Variants in PLCB4 observed in about 807,000 individuals in gnomAD.
PLCB4 encodes phospholipase C beta 4, also known as 1-phosphatidylinositol 4,5-bisphosphate phosphodiesterase beta-4.
A neutral mutation model predicts 178.8 loss-of-function variants in PLCB4; 77 were observed. The ratio of observed to expected loss-of-function variants is 0.43; its 90% CI spans 0.36 to 0.52. The LOEUF (loss-of-function observed/expected upper bound fraction) is 0.52, where lower values mean the gene tolerates loss of function less well. PLCB4 is among the 20% of genes least tolerant of loss of function. The pLI, the probability that PLCB4 is intolerant of heterozygous loss-of-function variation, is 0.00. For missense variants in PLCB4, 1,024 were observed against 1,453.4 expected (o/e 0.70, Z 4.80); for synonymous variants, 496 against 490.8 (o/e 1.01, Z -0.14).
intron 3 of PLCB4, among the ~76,000 whole-genome samples, chr20:9,250,657 A>G (rs2147480211): frequency 6.6e-6 from 1 of 152,352 alleles, no homozygotes; most frequent in Non-Finnish European, 1.5e-5. Flanking sequence ...GATTCAACTC[A>G]CAGAATGGAA....
Position 9,115,676 on chromosome 20 carries a change from G to GT in PLCB4, c.-79+19335dup, listed in dbSNP as rs2091756778. ...TCCCTCCTATGAGTGAGAACATGCG[G>GT]TAAAACTTCTTATAGTATAATTGAA... On this transcript the variant is annotated intron_variant, in intron 2 of 39. Transcript: ENST00000378473. 2.0e-5 allele frequency among the ~76,000 whole-genome samples: 3 copies of GT among 147,154 alleles called. 1 individual carries two copies. The South Asian group carries it at 6.4e-4, about 31-fold the overall frequency.
At chr20:9,197,163 A>G (rs1232935978) in intron 2 of PLCB4, among the ~76,000 whole-genome samples, 1 of 152,228 alleles carries the variant, frequency 6.6e-6, no homozygotes, top group Non-Finnish European at 1.5e-5. Context: ...GCCTCCAGGT[A>G]AACGACCATG....
chr20:9,172,111 C>A (rs2093073485), intron 2 of PLCB4, among the ~76,000 whole-genome samples: 3 of 152,120 alleles, frequency 2.0e-5, no homozygotes, highest in Admixed American at 1.3e-4. Context: ...TTTAATAATT[C>A]CTTTCATCTG....
chr20:9,108,744 A>G (rs902188658), intron 2 of PLCB4, among the ~76,000 whole-genome samples: 1 of 152,034 alleles, frequency 6.6e-6, no homozygotes, highest in Non-Finnish European at 1.5e-5. Context: ...ACAATTTTAC[A>G]TGTCCTGTCA....
chr20:9,155,507 C>T (rs1284488671), intron 2 of PLCB4, among the ~76,000 whole-genome samples: 3 of 152,124 alleles, frequency 2.0e-5, no homozygotes, highest in African/African-American at 7.2e-5. Flanking sequence ...ACTGCAGTGT[C>T]CCAGGGAGGA....
At chr20:9,145,510 T>TC (rs2092582146) in intron 2 of PLCB4, among the ~76,000 whole-genome samples, 1 of 137,446 alleles carries the variant, frequency 7.3e-6, no homozygotes, top group Non-Finnish European at 1.5e-5. Flanking sequence ...ATCAAAGTTC[T>TC]TTTTTTTTTT....
chr20:9,308,961 C>G (rs2094800452), intron 4 of PLCB4, among the ~76,000 whole-genome samples: 2 of 152,140 alleles, frequency 1.3e-5, no homozygotes, highest in Admixed American at 1.3e-4. Context: ...CAGAGACAAG[C>G]ACTGTTAATT....
chr20:9,079,558 G>A (rs2090046126), intron 1 of PLCB4, among the ~76,000 whole-genome samples: 1 of 152,126 alleles, frequency 6.6e-6, no homozygotes, highest in Non-Finnish European at 1.5e-5. Flanking sequence ...CCAGAGGGCA[G>A]GAGAGAGGAG....
At chr20:9,113,020 A>T (rs746036299) in intron 2 of PLCB4, among the ~76,000 whole-genome samples, 3 of 152,160 alleles carry the variant, frequency 2.0e-5, no homozygotes, top group African/African-American at 7.2e-5. Flanking sequence ...GGGAGACATT[A>T]TAAGTTTTGA....
intron 2 of PLCB4, among the ~76,000 whole-genome samples, chr20:9,138,296 C>T (rs544123535): frequency 6.6e-6 from 1 of 152,044 alleles, no homozygotes; most frequent in African/African-American, 2.4e-5. Flanking sequence ...TAATATGCAT[C>T]ATCACTTAAA....
chr20:9,309,379 T>A (rs1270721045), intron 4 of PLCB4, among the ~76,000 whole-genome samples: 1 of 152,218 alleles, frequency 6.6e-6, no homozygotes, highest in Non-Finnish European at 1.5e-5. Flanking sequence ...TGTCCACTTC[T>A]GTGATATCTT....
intron 2 of PLCB4, among the ~76,000 whole-genome samples, chr20:9,131,783 A>G (rs2092278714): frequency 6.6e-6 from 1 of 152,276 alleles, no homozygotes; most frequent in South Asian, 2.1e-4. Flanking sequence ...ACTTGGCCAT[A>G]TAACTTCCTT....
intron 2 of PLCB4, among the ~76,000 whole-genome samples, chr20:9,195,385 G>A (rs552037022): frequency 4.7e-4 from 72 of 152,258 alleles, no homozygotes; most frequent in African/African-American, 1.4e-3. Context: ...AGGGTTGCTC[G>A]ATAGTTGGTA....
At chr20:9,275,492 T>C (rs2147650549) in intron 3 of PLCB4, among the ~76,000 whole-genome samples, 1 of 152,146 alleles carries the variant, frequency 6.6e-6, no homozygotes, top group East Asian at 1.9e-4. Context: ...GGGACGCTAT[T>C]ATTGCACAAG....
chr20:9,369,727 C>T (rs947644851), intron 9 of PLCB4, among the ~76,000 whole-genome samples: 5 of 152,196 alleles, frequency 3.3e-5, no homozygotes, highest in Non-Finnish European at 7.3e-5. Flanking sequence ...TTTGGGAAGT[C>T]CTACTCTGCC....
intron 33 of PLCB4, 34 bp downstream of exon 33, chr20:9,453,496 C>T: frequency 7.9e-7 from 1 of 1,266,388 alleles, no homozygotes; most frequent in Non-Finnish European, 1.1e-6. Context: ...AAGACTTTCT[C>T]TATGTTTATA....
intron 2 of PLCB4, among the ~76,000 whole-genome samples, chr20:9,201,492 T>C (rs2093545370): frequency 6.6e-6 from 1 of 152,218 alleles, no homozygotes; most frequent in Non-Finnish European, 1.5e-5. Context: ...GTAGAGGGAA[T>C]ATTTCTTCTG....
chr20:9,087,488 T>A lies in PLCB4; in HGVS notation c.-134-8799T>A, dbSNP rs149864292. On this transcript the variant is annotated intron_variant, in intron 1 of 39. Transcript: ENST00000378473. The stretch of plus-strand genomic sequence containing the variant: ...TTTTACAGTATTGGAACAACCTAAT[T>A]TTCAAATATTAGAAAAACATAGTAC... Among the ~76,000 whole-genome samples, 472 of 152,338 alleles carry A rather than the reference T, an allele frequency of 3.1e-3. 2 individuals carry two copies. Among genetic ancestry groups the A allele is most frequent in the African/African-American group, 0.01 (436 of 41,574 alleles).
chr20:9,262,044 A>G (rs1376864082), intron 3 of PLCB4, among the ~76,000 whole-genome samples: 1 of 152,170 alleles, frequency 6.6e-6, no homozygotes, highest in Non-Finnish European at 1.5e-5. Context: ...AGTCTAATAC[A>G]TGTCATACAA....
Sources: gnomAD v4.1 joint callset for allele counts (sites outside exome capture counted in the v4.1 genomes callset) on GRCh38, gnomAD v4.1.1 for gene constraint, MANE v1.5 for transcripts, NCBI Gene and HGNC (gene_info 2026-07-23, HGNC 2026-07-21) for gene names.